RAB6B: variants seen among roughly 807,000 people sequenced by gnomAD.
The protein encoded by RAB6B is RAB6B, member RAS oncogene family, also known as ras-related protein Rab-6B.
RAB6B carries 7 observed loss-of-function variants against 31.2 expected under a neutral mutation model. That is an observed-to-expected ratio of 0.22 (90% CI 0.13 to 0.42). The LOEUF is 0.42. Among genes scored for constraint, RAB6B ranks in the 10% least tolerant of loss-of-function variants. The probability of loss-of-function intolerance (pLI) is 1.00; values close to 1 mark genes in which losing one functional copy is unlikely to be tolerated. For missense variants in RAB6B, 149 were observed against 280.6 expected (o/e 0.53, Z 3.35); for synonymous variants, 105 against 104.9 (o/e 1.00, Z -0.01).
At chr3:133,870,540 C>T (rs1341482867) in intron 1 of RAB6B, among the ~76,000 whole-genome samples, 1 of 152,060 alleles carries the variant, frequency 6.6e-6, no homozygotes, top group East Asian at 1.9e-4. Flanking sequence ...AGTGACTGGT[C>T]AGATTCAGAG....
At chr3:133,835,773 G>A (rs756030700) in intron 6 of RAB6B, among the ~76,000 whole-genome samples, 76 of 152,122 alleles carry the variant, frequency 5.0e-4, no homozygotes, top group South Asian at 8.3e-4. Flanking sequence ...AATGAGGCCC[G>A]AGGGAGCCTG....
chr3:133,890,027 C>T (rs1936616600), intron 1 of RAB6B, among the ~76,000 whole-genome samples: 1 of 152,148 alleles, frequency 6.6e-6, no homozygotes. Context: ...AGGTTCTGGG[C>T]CTGTACCCAA....
In RAB6B at chr3:133,825,817, T is replaced by C. The variant is rs1559896105; in HGVS notation, c.*2971A>G. 6.6e-6 allele frequency: 1 copy of C among 152,224 alleles called. No homozygotes were observed. The highest frequency in any genetic ancestry group is 2.4e-5 in the African/African-American group (1 of 41,458). The allele number at this position is 152,224 out of a possible 1,614,324, so 9.4% of individuals were successfully genotyped here. ...CTAATCTGCCAGGTCACGTCTAGTCTTTGGGGAGAGGGACTGAATTGCTCA... is the reference window on the plus strand; with the variant it reads ...CTAATCTGCCAGGTCACGTCTAGTCCTTGGGGAGAGGGACTGAATTGCTCA... On this transcript the variant is annotated 3_prime_UTR_variant, in exon 8 of 8. Coordinates refer to ENST00000285208, the MANE Select transcript of RAB6B (RefSeq NM_016577.4).
intron 1 of RAB6B, among the ~76,000 whole-genome samples, chr3:133,881,178 C>T (rs576308496): frequency 9.3e-4 from 142 of 152,314 alleles, no homozygotes; most frequent in Non-Finnish European, 1.0e-3. Context: ...GCCAGGCTCA[C>T]CTGTCCCCAT....
intron 2 of RAB6B, among the ~76,000 whole-genome samples, chr3:133,845,710 A>G (rs1372503306): frequency 2.0e-5 from 3 of 152,214 alleles, no homozygotes; most frequent in African/African-American, 4.8e-5. Flanking sequence ...CCAAGACTAT[A>G]ACTTATTATT....
At chr3:133,873,066 C>T (rs1446012809) in intron 1 of RAB6B, among the ~76,000 whole-genome samples, 1 of 152,348 alleles carries the variant, frequency 6.6e-6, no homozygotes, top group East Asian at 1.9e-4. Flanking sequence ...CCTGCACCCA[C>T]CCCATCTCCT....
rs374596039 is a variant in RAB6B at position 133,849,511 on chromosome 3, G to A, written c.130-7848C>T. On this transcript the variant is annotated intron_variant, in intron 2 of 7. Coordinates refer to ENST00000285208, the MANE Select transcript of RAB6B (RefSeq NM_016577.4). ...GAGTGGCAGATGCCCTGTACAGGGT[G>A]AGAGACAAGAGGGAGATGCTTATGC... Among the ~76,000 whole-genome samples the A allele has an allele frequency of 1.5e-4, 23 of 152,364 alleles. 2 individuals carry two copies. The highest frequency in any genetic ancestry group is 2.9e-4 in the African/African-American group (12 of 41,590).
chr3:133,885,107 A>ATG (rs1409773558), intron 1 of RAB6B, among the ~76,000 whole-genome samples: 1 of 151,740 alleles, frequency 6.6e-6, no homozygotes, highest in Non-Finnish European at 1.5e-5. Flanking sequence ...TCACACACCC[A>ATG]ATGACCAGAG....
At chr3:133,845,036 C>T (rs746746091) in intron 2 of RAB6B, among the ~76,000 whole-genome samples, 8 of 151,912 alleles carry the variant, frequency 5.3e-5, no homozygotes, top group African/African-American at 7.3e-5. Context: ...TGCCTCCTGA[C>T]GAAACTCCCC....
intron 2 of RAB6B, among the ~76,000 whole-genome samples, chr3:133,853,500 C>T (rs1336602992): frequency 6.6e-6 from 1 of 151,460 alleles, no homozygotes; most frequent in Non-Finnish European, 1.5e-5. Flanking sequence ...GTCAATGCTC[C>T]CCAGGACAGA....
chr3:133,842,449 A>C (rs1157833133), intron 2 of RAB6B, among the ~76,000 whole-genome samples: 1 of 152,244 alleles, frequency 6.6e-6, no homozygotes, highest in Non-Finnish European at 1.5e-5. Flanking sequence ...TCAATGTAAA[A>C]TGGAGATATC....
intron 2 of RAB6B, among the ~76,000 whole-genome samples, chr3:133,857,828 T>C (rs1025761405): frequency 7.2e-5 from 11 of 152,078 alleles, no homozygotes; most frequent in Middle Eastern, 3.2e-3. Context: ...TCAGGCCTCT[T>C]CCTCTTCTCT....
At chr3:133,875,244 T>C (rs1398244352) in intron 1 of RAB6B, among the ~76,000 whole-genome samples, 7 of 151,922 alleles carry the variant, frequency 4.6e-5, no homozygotes, top group African/African-American at 1.7e-4. Flanking sequence ...TCAAGCTAAT[T>C]AACATATTCA....
Position 133,828,820 on chromosome 3 carries a change from G to A in RAB6B, c.595C>T (p.Pro199Ser). Residue 199 changes from proline (P) to serine (S), a missense_variant, in exon 8 of 8, where the codon CCC becomes TCC. This residue lies in a region of RAB6B where 74 missense variants were observed against 100.5 expected (regional missense o/e 0.74). Transcript: ENST00000285208. ...IDIKLDKPQE[P>S]PASEGGCSC is the part of the protein sequence containing the mutation. The stretch of plus-strand genomic sequence containing the variant: ...GAGCAGCCGCCCTCGCTGGCCGGGG[G>A]CTCCTGGGGTTTGTCCAGCTTGATG... 6.2e-7 allele frequency: 1 copy of A among 1,613,250 alleles called. No individual in the cohort carries two copies. Among genetic ancestry groups the A allele is most frequent in the Non-Finnish European group, 8.5e-7 (1 of 1,179,612 alleles).
At chr3:133,860,214 T>C (rs1646485054) in intron 2 of RAB6B, among the ~76,000 whole-genome samples, 1 of 152,206 alleles carries the variant, frequency 6.6e-6, no homozygotes, top group African/African-American at 2.4e-5. Flanking sequence ...ATTTGAAAAT[T>C]GCAGTTTTGG....
intron 2 of RAB6B, among the ~76,000 whole-genome samples, chr3:133,842,317 C>T (rs576338787): frequency 1.3e-5 from 2 of 152,386 alleles, no homozygotes; most frequent in African/African-American, 4.8e-5. Context: ...CTGTGAGAGG[C>T]AGCCAGCCTT....
chr3:133,839,730 A>C, intron 4 of RAB6B, 113 bp from the exon 5 acceptor site: 1 of 787,670 alleles, frequency 1.3e-6, no homozygotes, highest in Non-Finnish European at 2.2e-6. Flanking sequence ...GCCCTCAGAT[A>C]CCCAGGGAGG....
At chr3:133,859,750 T>C (rs1467334) in intron 2 of RAB6B, among the ~76,000 whole-genome samples, 95,464 of 152,040 alleles carry the variant, frequency 0.63, 30,828 homozygotes, top group Non-Finnish European at 0.67. Flanking sequence ...GGATGTGCTG[T>C]GTGTGGAGCT....
chr3:133,875,456 A>C lies in RAB6B; in HGVS notation c.71-10814T>G, dbSNP rs76401102. Among the ~76,000 whole-genome samples, 536 of 152,278 alleles carry C rather than the reference A, an allele frequency of 3.5e-3. 5 individuals carry two copies. Among genetic ancestry groups the C allele is most frequent in the African/African-American group, 0.012 (502 of 41,528 alleles). ...GAGGAAATGCTGATTAGAGGGTACA[A>C]ATTTGCAGTTATAAGAGAAGTTCTG... On this transcript the variant is annotated intron_variant, in intron 1 of 7. Transcript: ENST00000285208.
Sources: allele counts gnomAD v4.1 joint callset (sites outside exome capture counted in the v4.1 genomes callset), GRCh38; gene constraint gnomAD v4.1.1; regional missense constraint gnomAD v4.1.1; transcripts MANE v1.5; gene names NCBI Gene and HGNC (gene_info 2026-07-23, HGNC 2026-07-21).